The following GALNT13 variants were observed in gnomAD, a reference collection of about 807,000 sequenced individuals.
GALNT13 encodes UDP-GalNAc:polypeptide N-acetylgalactosaminyltransferase 13.
Under a neutral mutation model 64.2 loss-of-function variants are expected in GALNT13, and 28 were observed. That is an observed-to-expected ratio of 0.44 (90% CI 0.32 to 0.60). The LOEUF (loss-of-function observed/expected upper bound fraction) is 0.60. GALNT13 is among the 20% of genes least tolerant of loss of function. GALNT13 has a pLI of 0.05. For synonymous variants in GALNT13, 214 were observed against 224.6 expected (o/e 0.95, Z 0.42); for missense variants, 577 against 669.8 (o/e 0.86, Z 1.53).
chr2:154,449,490 AG>A (rs1701773254), intron 12 of GALNT13, among the ~76,000 whole-genome samples: 1 of 150,034 alleles, frequency 6.7e-6, no homozygotes, highest in Non-Finnish European at 1.5e-5. Context: ...CAAAAAAAAA[AG>A]TATCTAGAGT....
intron 9 of GALNT13, among the ~76,000 whole-genome samples, chr2:154,370,703 A>C (rs1182472617): frequency 6.6e-6 from 1 of 152,104 alleles, no homozygotes. Context: ...CTAGATATTC[A>C]AGTGTAGGTG....
chr2:154,168,160 A>G (rs1410379376), intron 4 of GALNT13, among the ~76,000 whole-genome samples: 1 of 152,114 alleles, frequency 6.6e-6, no homozygotes, highest in Non-Finnish European at 1.5e-5. Flanking sequence ...AGGGTAGTGC[A>G]GAGCAGCATG....
chr2:153,435,466 G>T, the GALNT13 span, among the ~76,000 whole-genome samples: 1 of 152,128 alleles, frequency 6.6e-6, no homozygotes, highest in South Asian at 2.1e-4. Context: ...CATGAGCATG[G>T]AATGTTCTTC....
the GALNT13 span, among the ~76,000 whole-genome samples, chr2:153,685,067 T>C: frequency 6.6e-6 from 1 of 151,862 alleles, no homozygotes; most frequent in South Asian, 2.1e-4. Flanking sequence ...TGGGCTATCA[T>C]TTAAGTTGAT....
the GALNT13 span, among the ~76,000 whole-genome samples, chr2:153,351,527 A>C: frequency 2.6e-5 from 4 of 152,158 alleles, no homozygotes; most frequent in South Asian, 6.2e-4. Flanking sequence ...CAGCCTATGG[A>C]TTTGGACAAA....
At chr2:153,190,780 A>G in the GALNT13 span, among the ~76,000 whole-genome samples, 4 of 152,020 alleles carry the variant, frequency 2.6e-5, no homozygotes, top group East Asian at 7.7e-4. Flanking sequence ...GGTTTTGTAG[A>G]GGTCTTTCAC....
chr2:153,161,124 T>TA, the GALNT13 span, among the ~76,000 whole-genome samples: 3 of 152,352 alleles, frequency 2.0e-5, no homozygotes, highest in African/African-American at 7.2e-5. Context: ...TCTGCTACAT[T>TA]AACTCTTTGA....
the GALNT13 span, among the ~76,000 whole-genome samples, chr2:153,106,181 C>T: frequency 6.6e-6 from 1 of 152,122 alleles, no homozygotes; most frequent in African/African-American, 2.4e-5. Context: ...TTTCCCTTGA[C>T]AACACTTGGA....
At chr2:153,683,115 A>G in the GALNT13 span, among the ~76,000 whole-genome samples, 1 of 151,800 alleles carries the variant, frequency 6.6e-6, no homozygotes, top group Non-Finnish European at 1.5e-5. Flanking sequence ...TTGTATGCAG[A>G]TCAGGTAGAT....
At chr2:154,038,261 T>C (rs982146289) in intron 3 of GALNT13, among the ~76,000 whole-genome samples, 2 of 152,092 alleles carry the variant, frequency 1.3e-5, no homozygotes, top group Admixed American at 1.3e-4. Flanking sequence ...TTCACAGAAT[T>C]AGAAAAAATA....
chr2:153,855,213 A>T, the GALNT13 span, among the ~76,000 whole-genome samples: 2 of 152,204 alleles, frequency 1.3e-5, no homozygotes, highest in Non-Finnish European at 2.9e-5. Flanking sequence ...CTTATTACAG[A>T]TTCAAGTGTC....
chr2:153,965,629 A>T (rs1413132675), intron 3 of GALNT13, among the ~76,000 whole-genome samples: 1 of 151,656 alleles, frequency 6.6e-6, no homozygotes, highest in Non-Finnish European at 1.5e-5. Context: ...TTCTTTATGG[A>T]TACATAATTT....
the GALNT13 span, among the ~76,000 whole-genome samples, chr2:153,629,679 G>A: frequency 1.3e-5 from 2 of 151,888 alleles, no homozygotes; most frequent in African/African-American, 2.4e-5. Flanking sequence ...CTTCTGCACA[G>A]CAAAAGAAAC....
the GALNT13 span, among the ~76,000 whole-genome samples, chr2:153,280,658 A>G: frequency 6.6e-6 from 1 of 152,110 alleles, no homozygotes; most frequent in African/African-American, 2.4e-5. Flanking sequence ...TAATTTTCAT[A>G]TAATTGTTTT....
the GALNT13 span, among the ~76,000 whole-genome samples, chr2:153,349,101 G>T: frequency 6.6e-6 from 1 of 152,152 alleles, no homozygotes; most frequent in Non-Finnish European, 1.5e-5. Flanking sequence ...CTAATGGACT[G>T]TCAGGAAAAA....
the GALNT13 span, among the ~76,000 whole-genome samples, chr2:153,839,142 C>T: frequency 2.6e-5 from 4 of 151,606 alleles, no homozygotes; most frequent in Non-Finnish European, 4.4e-5. Flanking sequence ...TGAATTTGTT[C>T]GTTCTAACAA....
chr2:153,224,664 A>T, the GALNT13 span, among the ~76,000 whole-genome samples: 1 of 152,232 alleles, frequency 6.6e-6, no homozygotes, highest in Non-Finnish European at 1.5e-5. Flanking sequence ...CTGATGAAAG[A>T]GTTATCACTA....
chr2:153,686,340 TCTC>T, the GALNT13 span, among the ~76,000 whole-genome samples: 1 of 152,050 alleles, frequency 6.6e-6, no homozygotes, highest in Non-Finnish European at 1.5e-5. Context: ...GGTTTGTAGT[TCTC>T]CTTGAAGAGA....
intron 4 of GALNT13, among the ~76,000 whole-genome samples, chr2:154,240,760 A>G (rs1052765394): frequency 2.6e-5 from 4 of 152,188 alleles, no homozygotes; most frequent in Non-Finnish European, 5.9e-5. Context: ...TGTCACAAGG[A>G]CAGAGGACTT....
Sources: allele counts gnomAD v4.1 joint callset (sites outside exome capture counted in the v4.1 genomes callset), GRCh38; gene constraint gnomAD v4.1.1; transcripts MANE v1.5; gene names NCBI Gene and HGNC (gene_info 2026-07-23, HGNC 2026-07-21).